Variants in BACH2 observed in about 807,000 individuals in gnomAD.
BACH2 encodes transcription regulator protein BACH2.
BACH2 carries 5 observed loss-of-function variants against 61.8 expected under a neutral mutation model. That is an observed-to-expected ratio of 0.08 (90% CI 0.04 to 0.17). The LOEUF is 0.17. Ranked by LOEUF, BACH2 falls within the 10% of genes least tolerant of loss-of-function variation. BACH2 has a pLI of 1.00. For synonymous variants in BACH2, 446 were observed against 440.1 expected, an observed-to-expected ratio of 1.01 and a Z score of -0.17; for missense variants, 824 against 1,091.1, an observed-to-expected ratio of 0.76 and a Z score of 3.45.
chr6:90,184,730 C>T (rs1161387724), intron 4 of BACH2, among the ~76,000 whole-genome samples: 5 of 152,204 alleles, frequency 3.3e-5, no homozygotes, highest in Non-Finnish European at 7.3e-5. Context: ...TGGGAAGTCC[C>T]TGCAGACTCT....
intron 5 of BACH2, among the ~76,000 whole-genome samples, chr6:90,029,262 C>T (rs1209636952): frequency 6.6e-6 from 1 of 152,170 alleles, no homozygotes; most frequent in Non-Finnish European, 1.5e-5. Flanking sequence ...CCCCGCCCTG[C>T]CATTCCAAGA....
chr6:90,207,971 G>A (rs1411288578), intron 3 of BACH2, among the ~76,000 whole-genome samples: 5 of 152,162 alleles, frequency 3.3e-5, no homozygotes, highest in African/African-American at 4.8e-5. Context: ...ATATTACTAC[G>A]TTCCTTTTAT....
At chr6:90,267,286 T>C (rs564118737) in intron 2 of BACH2, among the ~76,000 whole-genome samples, 24 of 152,168 alleles carry the variant, frequency 1.6e-4, no homozygotes, top group African/African-American at 4.3e-4. Flanking sequence ...CCAAATTGAA[T>C]AGAAAGATCC....
intron 5 of BACH2, among the ~76,000 whole-genome samples, chr6:90,055,797 A>G (rs1780311341): frequency 1.3e-5 from 2 of 152,218 alleles, no homozygotes; most frequent in African/African-American, 4.8e-5. Flanking sequence ...TCTACAAGCC[A>G]GAAGAGTGGG....
intron 2 of BACH2, among the ~76,000 whole-genome samples, chr6:90,267,925 T>A (rs1053253810): frequency 6.6e-6 from 1 of 151,868 alleles, no homozygotes; most frequent in Non-Finnish European, 1.5e-5. Flanking sequence ...TTCACCTAAA[T>A]ATTATTTTAT....
intron 3 of BACH2, among the ~76,000 whole-genome samples, chr6:90,238,995 T>C (rs1392213454): frequency 6.6e-6 from 1 of 152,210 alleles, no homozygotes; most frequent in Non-Finnish European, 1.5e-5. Context: ...AGAGTCAAAA[T>C]TGCAAAGTTA....
chr6:90,133,544 TTTA>T (rs1346092208), intron 4 of BACH2, among the ~76,000 whole-genome samples: 1 of 152,174 alleles, frequency 6.6e-6, no homozygotes, highest in African/African-American at 2.4e-5. Flanking sequence ...TATTTATTTA[TTTA>T]TTTTTTATTG....
chr6:90,172,808 G>A lies in BACH2; in HGVS notation c.-162+33761C>T, dbSNP rs188167213. Among the ~76,000 whole-genome samples, 125 of 152,164 alleles carry A rather than the reference G, an allele frequency of 8.2e-4. 2 individuals are homozygous for A. Among genetic ancestry groups the A allele is most frequent in the Admixed American group, 2.7e-3 (42 of 15,286 alleles). ...GAAGAAATGGTGAGAAAAGAAAATA[G>A]TAAATACATGACTATGTTTAAATAG... On this transcript the variant is annotated intron_variant, in intron 4 of 8. Transcript: ENST00000257749.
chr6:90,208,603 T>A (rs968622154), intron 3 of BACH2, among the ~76,000 whole-genome samples: 12 of 152,216 alleles, frequency 7.9e-5, no homozygotes, highest in Non-Finnish European at 5.9e-5. Flanking sequence ...ACACTGTTGG[T>A]GGGAGTGTAA....
intron 1 of BACH2, among the ~76,000 whole-genome samples, chr6:90,293,399 C>A (rs1263416887): frequency 6.6e-6 from 1 of 152,210 alleles, no homozygotes; most frequent in Non-Finnish European, 1.5e-5. Context: ...ACCAGAGACA[C>A]TGAAAGTTAA....
intron 6 of BACH2, among the ~76,000 whole-genome samples, chr6:89,982,568 T>G (rs1325690173): frequency 3.9e-5 from 6 of 152,218 alleles, no homozygotes; most frequent in Non-Finnish European, 8.8e-5. Context: ...AAGGCACATA[T>G]AAGAATTATA....
chr6:90,044,535 C>T (rs1313967984), intron 5 of BACH2, among the ~76,000 whole-genome samples: 8 of 152,198 alleles, frequency 5.3e-5, no homozygotes, highest in Non-Finnish European at 8.8e-5. Flanking sequence ...ATCTGATTTA[C>T]ACTTTAAAAG....
intron 4 of BACH2, among the ~76,000 whole-genome samples, chr6:90,123,364 C>A (rs1222936409): frequency 2.6e-5 from 4 of 152,202 alleles, no homozygotes; most frequent in Non-Finnish European, 5.9e-5. Context: ...TGATTTTGGA[C>A]TTCAGGCCAC....
At chr6:90,045,406 G>T (rs1779730385) in intron 5 of BACH2, among the ~76,000 whole-genome samples, 1 of 152,144 alleles carries the variant, frequency 6.6e-6, no homozygotes, top group African/African-American at 2.4e-5. Context: ...GAGTCCTTCA[G>T]GAAAGAAACG....
In BACH2 at chr6:90,255,362, C is replaced by A. The variant is rs78713935; in HGVS notation, c.-352-2772G>T. On this transcript the variant is annotated intron_variant, in intron 2 of 8. Coordinates refer to ENST00000257749, the MANE Select transcript of BACH2 (RefSeq NM_021813.4). ...AAGTACTAGGAAGTCACAGTTCTAT[C>A]ATCAAGTTTTAAATCTAGTAGGTGA... Among the ~76,000 whole-genome samples, 789 of 152,258 alleles carry A rather than the reference C, an allele frequency of 5.2e-3. 6 individuals are homozygous for A. The highest frequency in any genetic ancestry group is 0.018 in the African/African-American group (752 of 41,554).
At chr6:90,005,441 G>A (rs1293001194) in intron 6 of BACH2, among the ~76,000 whole-genome samples, 2 of 152,190 alleles carry the variant, frequency 1.3e-5, no homozygotes, top group East Asian at 1.9e-4. Flanking sequence ...TATATCCTAT[G>A]AACCAAATGC....
chr6:89,947,297 T>C (rs752952807), intron 7 of BACH2, among the ~76,000 whole-genome samples: 1 of 152,142 alleles, frequency 6.6e-6, no homozygotes, highest in Admixed American at 6.5e-5. Flanking sequence ...TTACTGGGGA[T>C]AATACTTCAA....
At chr6:90,170,111 T>G (rs1239224067) in intron 4 of BACH2, among the ~76,000 whole-genome samples, 1 of 152,212 alleles carries the variant, frequency 6.6e-6, no homozygotes, top group Non-Finnish European at 1.5e-5. Context: ...TACAAATGTA[T>G]ACATCAATTG....
At chr6:90,003,049 C>T (rs1369464401) in intron 6 of BACH2, among the ~76,000 whole-genome samples, 1 of 152,212 alleles carries the variant, frequency 6.6e-6, no homozygotes, top group African/African-American at 2.4e-5. Flanking sequence ...TCAGGTCACA[C>T]CTGGGTTGCT....
Sources: allele counts gnomAD v4.1 joint callset (sites outside exome capture counted in the v4.1 genomes callset), GRCh38; gene constraint gnomAD v4.1.1; transcripts MANE v1.5; gene names NCBI Gene and HGNC (gene_info 2026-07-23, HGNC 2026-07-21).